The following TECPR2 variants were observed in gnomAD, a reference collection of about 807,000 sequenced individuals.
TECPR2 encodes tectonin beta-propeller repeat containing 2.
A neutral mutation model predicts 138.1 loss-of-function variants in TECPR2; 65 were observed. The ratio of observed to expected loss-of-function variants is 0.47; its 90% CI spans 0.39 to 0.58. The LOEUF (loss-of-function observed/expected upper bound fraction) is 0.58. Among genes scored for constraint, TECPR2 ranks in the 20% least tolerant of loss-of-function variants. The pLI is 0.00. For missense variants in TECPR2, 1,553 were observed against 1,824.5 expected, an observed-to-expected ratio of 0.85 and a Z score of 2.71; for synonymous variants, 746 against 749.8, an observed-to-expected ratio of 0.99 and a Z score of 0.08.
chr14:102,443,837 G>T lies in TECPR2; in HGVS notation c.2933+10G>T. ...AGTGTGACATTGTCAGGTACTGGCGGGCCAGAGACTCCTTTCACATCGTGC... is the reference window on the plus strand; with the variant it reads ...AGTGTGACATTGTCAGGTACTGGCGTGCCAGAGACTCCTTTCACATCGTGC... On this transcript the variant is annotated intron_variant, in intron 12 of 19. Transcript: ENST00000359520. This position sits in a 1 kb window ranked among gnomAD's most constrained non-coding sequence, Gnocchi z 4.9. 1 of 1,552,010 alleles carries T rather than the reference G, an allele frequency of 6.4e-7. No homozygotes were observed. The highest frequency in any genetic ancestry group is 8.8e-7 in the Non-Finnish European group (1 of 1,138,722).
At position 102,414,598 on chromosome 14, in the gene TECPR2, G is replaced by A. The variant is rs200929170; in HGVS notation, c.481-38G>A. Reference sequence around the variant, plus strand: ...CTAAGGGAGGTCCATTCTTTAGCCTGGCGCTGATGTGAGGTGTAACCAGAC... The same window carrying A: ...CTAAGGGAGGTCCATTCTTTAGCCTAGCGCTGATGTGAGGTGTAACCAGAC... On this transcript the variant is annotated intron_variant, in intron 4 of 19. Coordinates refer to ENST00000359520, the MANE Select transcript of TECPR2 (RefSeq NM_014844.5). The A allele has an allele frequency of 3.5e-5, 57 of 1,610,168 alleles. No homozygotes were observed. The East Asian group carries it at 1.2e-3, about 35-fold the overall frequency.
intron 2 of TECPR2, among the ~76,000 whole-genome samples, chr14:102,378,161 G>A (rs902484242): frequency 1.3e-5 from 2 of 152,302 alleles, no homozygotes; most frequent in African/African-American, 4.8e-5. Context: ...TCCACCACAT[G>A]GGACTCTATT....
At chr14:102,387,339 C>T (rs183237301) in intron 2 of TECPR2, among the ~76,000 whole-genome samples, 1 of 152,056 alleles carries the variant, frequency 6.6e-6, no homozygotes, top group Non-Finnish European at 1.5e-5. Flanking sequence ...GAAAATGTTG[C>T]AAGGAGCTAA....
At chr14:102,391,955 C>T (rs982774848) in intron 2 of TECPR2, among the ~76,000 whole-genome samples, 3 of 152,100 alleles carry the variant, frequency 2.0e-5, no homozygotes, top group African/African-American at 7.2e-5. Flanking sequence ...CTTTTCATTT[C>T]CTGCTGAAAC....
At position 102,441,604 on chromosome 14, in the gene TECPR2, C is replaced by G. The variant is rs1428312946; in HGVS notation, c.2752+995C>G. 3.9e-5 allele frequency among the ~76,000 whole-genome samples: 6 copies of G among 151,966 alleles called. No individual in the cohort carries two copies. In the East Asian group the frequency reaches 1.2e-3, roughly 30 times the overall value. On this transcript the variant is annotated intron_variant, in intron 11 of 19. Transcript: ENST00000359520. ...ACTTGGGAGCCTGAGGCACAAGAAT[C>G]ACTTGAACCTGGGAGGCAGAGCTTG...
rs749936924 is a variant in TECPR2 at position 102,497,694 on chromosome 14, T to A, written c.4056T>A (p.Ile1352=). 4 of 1,608,478 alleles carry A rather than the reference T, an allele frequency of 2.5e-6. No individual in the cohort carries two copies. In the East Asian group the frequency reaches 8.9e-5, roughly 36 times the overall value. Residue 1352 remains isoleucine, a synonymous_variant, in exon 19 of 20, where the codon ATT becomes ATA. Coordinates refer to ENST00000359520, the MANE Select transcript of TECPR2 (RefSeq NM_014844.5). ...CCGCCGGGGACTACTGGAAGAAAAT[T>A]CCCGGCAGCGTGTCGTGTTTCACAG... The part of the protein sequence containing the change: ...KNPAGDYWKK[I]PGSVSCFTVT...
At chr14:102,458,959 AT>A (rs1313974813) in intron 16 of TECPR2, among the ~76,000 whole-genome samples, 1 of 82,112 alleles carries the variant, frequency 1.2e-5, no homozygotes, top group Non-Finnish European at 2.3e-5. Context: ...AAAAAAAAAA[AT>A]ACACACATAT....
chr14:102,435,232 G>A, intron 9 of TECPR2, 21 bp downstream of exon 9: 3 of 1,569,618 alleles, frequency 1.9e-6, no homozygotes, highest in Non-Finnish European at 2.6e-6. Context: ...TCGGGTGGTG[G>A]GAAAAGTAGC....
At chr14:102,465,725 G>C in intron 17 of TECPR2, 1 of 910,344 alleles carries the variant, frequency 1.1e-6, no homozygotes, top group South Asian at 5.0e-5. Flanking sequence ...AAGAAATTCC[G>C]TTTCCTGTCC....
intron 5 of TECPR2, among the ~76,000 whole-genome samples, chr14:102,422,571 A>G (rs1889214506): frequency 6.6e-6 from 1 of 152,266 alleles, no homozygotes. Flanking sequence ...AAAGAGTACA[A>G]TTAGCATCAT....
intron 1 of TECPR2, among the ~76,000 whole-genome samples, chr14:102,363,666 G>T (rs931397512): frequency 6.6e-6 from 1 of 152,246 alleles, no homozygotes; most frequent in Non-Finnish European, 1.5e-5. Context: ...TAAAGGATGG[G>T]GTGTCCTGGA....
intron 2 of TECPR2, among the ~76,000 whole-genome samples, chr14:102,402,220 A>G (rs1323593987): frequency 6.6e-6 from 1 of 152,228 alleles, no homozygotes; most frequent in East Asian, 1.9e-4. Flanking sequence ...ACAACAGGAT[A>G]AAGTTAGAAA....
At chr14:102,423,519 T>G (rs141643076) in intron 5 of TECPR2, among the ~76,000 whole-genome samples, 1,572 of 152,220 alleles carry the variant, frequency 0.01, 28 homozygotes, top group African/African-American at 0.036. Flanking sequence ...TTAGTGTATT[T>G]TATGTGTGGC....
At chr14:102,407,965 C>G (rs1307694262) in intron 3 of TECPR2, among the ~76,000 whole-genome samples, 1 of 148,976 alleles carries the variant, frequency 6.7e-6, no homozygotes, top group Non-Finnish European at 1.5e-5. Flanking sequence ...CCACTGCACT[C>G]CAGCCTGGGC....
chr14:102,428,050 G>A lies in TECPR2; in HGVS notation c.952-200G>A, dbSNP rs537258925. 7.2e-5 allele frequency among the ~76,000 whole-genome samples: 11 copies of A among 152,198 alleles called. 1 individual carries two copies. In the South Asian group the frequency reaches 1.7e-3, roughly 23 times the overall value. ...ATGACCGAGGCCCCACCATGCCAGG[G>A]GACCCCTCAGATCCTGCTTACCAAT... On this transcript the variant is annotated intron_variant, in intron 6 of 19. Transcript: ENST00000359520.
chr14:102,424,119 G>A (rs1157198395), intron 5 of TECPR2, among the ~76,000 whole-genome samples: 1 of 152,204 alleles, frequency 6.6e-6, no homozygotes, highest in African/African-American at 2.4e-5. Context: ...GTAGGTGGTA[G>A]GTACAGCCTA....
At chr14:102,380,979 GTT>G (rs566340573) in intron 2 of TECPR2, among the ~76,000 whole-genome samples, 3 of 133,908 alleles carry the variant, frequency 2.2e-5, no homozygotes, top group Admixed American at 7.6e-5. Context: ...CACCAAGCTT[GTT>G]TTTTTTTTTT....
rs1190541 is a variant in TECPR2 at position 102,431,563 on chromosome 14, T to C, written c.1085-233T>C. On this transcript the variant is annotated intron_variant, in intron 7 of 19. Coordinates refer to ENST00000359520, the MANE Select transcript of TECPR2 (RefSeq NM_014844.5). ...TTCACTGTGTTAGCCAGGATGGTCT[T>C]GATCTCCTGACCTTGTGATCCGCCC... Among the ~76,000 whole-genome samples, 9,290 of 152,142 alleles carry C rather than the reference T, an allele frequency of 0.061. 321 individuals are homozygous for C. Among genetic ancestry groups the C allele is most frequent in the South Asian group, 0.13 (637 of 4,816 alleles).
At chr14:102,483,625 G>A (rs1022551724) in intron 17 of TECPR2, among the ~76,000 whole-genome samples, 3 of 151,380 alleles carry the variant, frequency 2.0e-5, no homozygotes, top group African/African-American at 7.3e-5. Flanking sequence ...ATTATTTTTT[G>A]TAGAGATGGA....
Sources: gnomAD v4.1 joint callset for allele counts (sites outside exome capture counted in the v4.1 genomes callset) on GRCh38, gnomAD v4.1.1 for gene constraint, Gnocchi (gnomAD v3.1) non-coding constraint, MANE v1.5 for transcripts, NCBI Gene and HGNC (gene_info 2026-07-23, HGNC 2026-07-21) for gene names.